Variants in SPOCK3 observed in about 807,000 individuals in gnomAD.
The protein encoded by SPOCK3 is SPARC (osteonectin), cwcv and kazal like domains proteoglycan 3.
Under a neutral mutation model 56.6 loss-of-function variants are expected in SPOCK3, and 30 were observed. That is an observed-to-expected ratio of 0.53 (90% confidence interval 0.40 to 0.72). The LOEUF (loss-of-function observed/expected upper bound fraction) is 0.72. Among genes scored for constraint, SPOCK3 ranks in the 30% least tolerant of loss-of-function variants. The pLI is 0.00. For synonymous variants in SPOCK3, 196 were observed against 183.3 expected (o/e 1.07, Z -0.56); for missense variants, 527 against 530.0 (o/e 0.99, Z 0.06).
chr4:167,108,152 T>A (rs192864533), intron 2 of SPOCK3, among the ~76,000 whole-genome samples: 1 of 151,848 alleles, frequency 6.6e-6, no homozygotes, highest in African/African-American at 2.4e-5. Context: ...AGATAGGTAA[T>A]AACAAATGCT....
intron 4 of SPOCK3, among the ~76,000 whole-genome samples, chr4:166,990,217 A>G (rs1579920243): frequency 6.6e-6 from 1 of 152,154 alleles, no homozygotes; most frequent in East Asian, 1.9e-4. Flanking sequence ...CTGAATATCA[A>G]TGATTACAAA....
chr4:166,890,410 A>C (rs986883622), intron 5 of SPOCK3, among the ~76,000 whole-genome samples: 11 of 151,904 alleles, frequency 7.2e-5, no homozygotes, highest in African/African-American at 2.7e-4. Flanking sequence ...CCAAACAGCC[A>C]GTTTTTCCCC....
chr4:166,864,437 A>G (rs1428781606), intron 6 of SPOCK3, among the ~76,000 whole-genome samples: 1 of 151,962 alleles, frequency 6.6e-6, no homozygotes, highest in Non-Finnish European at 1.5e-5. Flanking sequence ...AAGATCAGGG[A>G]AGAACTGAAG....
chr4:167,083,111 T>A (rs571569602), intron 2 of SPOCK3: 1 of 753,438 alleles, frequency 1.3e-6, no homozygotes, highest in East Asian at 2.4e-5. Flanking sequence ...AATGAATGAG[T>A]GGTACTTCTT....
chr4:166,845,941 T>C (rs1748012219), intron 6 of SPOCK3, among the ~76,000 whole-genome samples: 1 of 152,188 alleles, frequency 6.6e-6, no homozygotes, highest in African/African-American at 2.4e-5. Flanking sequence ...TAAAAGCTAT[T>C]GCTGCTAGGC....
intron 3 of SPOCK3, among the ~76,000 whole-genome samples, chr4:167,055,749 G>T (rs1363741471): frequency 1.3e-5 from 2 of 152,226 alleles, no homozygotes; most frequent in African/African-American, 2.4e-5. Context: ...GAGGCTGGGG[G>T]AGGGAGCCCG....
In SPOCK3 at chr4:167,073,220, T is replaced by A. The variant is rs147677153; in HGVS notation, c.190-10683A>T. ...CTATAATGCTAAATATTGAATATAG[T>A]TTATAAGACTGTTTAATTATATCAT... On this transcript the variant is annotated intron_variant, in intron 2 of 10. Transcript: ENST00000357545. 7.2e-5 allele frequency among the ~76,000 whole-genome samples: 11 copies of A among 151,778 alleles called. No homozygotes were observed. In the East Asian group the frequency reaches 2.1e-3, roughly 30 times the overall value.
At chr4:166,802,723 C>T (rs1457482463) in intron 6 of SPOCK3, among the ~76,000 whole-genome samples, 1 of 151,894 alleles carries the variant, frequency 6.6e-6, no homozygotes, top group Admixed American at 6.6e-5. Flanking sequence ...GGAAGGTTAG[C>T]CTGGTAAATG....
intron 3 of SPOCK3, among the ~76,000 whole-genome samples, chr4:167,056,964 A>G (rs948483165): frequency 6.6e-6 from 1 of 152,024 alleles, no homozygotes; most frequent in African/African-American, 2.4e-5. Flanking sequence ...CGAGAAGAGC[A>G]ACTCCAAGTC....
At chr4:166,954,967 T>C (rs1245987247) in intron 4 of SPOCK3, among the ~76,000 whole-genome samples, 1 of 152,168 alleles carries the variant, frequency 6.6e-6, no homozygotes, top group Non-Finnish European at 1.5e-5. Flanking sequence ...AGACTCATCA[T>C]TGTTGACTCT....
At position 166,809,071 on chromosome 4, in the gene SPOCK3, C is replaced by A. The variant is rs527912495; in HGVS notation, c.590-16782G>T. Among the ~76,000 whole-genome samples the A allele has an allele frequency of 7.9e-5, 12 of 152,086 alleles. No individual in the cohort carries two copies. In the East Asian group the frequency reaches 2.3e-3, roughly 29 times the overall value. The stretch of plus-strand genomic sequence containing the variant: ...CATGATAATTAAAGTACAGTTAGAT[C>A]AAATATTACATGGTTTGTAGACTCT... On this transcript the variant is annotated intron_variant, in intron 6 of 10. Coordinates refer to ENST00000357545, the MANE Select transcript of SPOCK3 (RefSeq NM_001040159.2).
chr4:167,220,755 G>T (rs1040967297), intron 2 of SPOCK3, among the ~76,000 whole-genome samples: 7 of 151,930 alleles, frequency 4.6e-5, no homozygotes, highest in African/African-American at 1.2e-4. Flanking sequence ...TATCAAAAAA[G>T]GTCAGTAATA....
intron 3 of SPOCK3, among the ~76,000 whole-genome samples, chr4:167,044,989 T>C (rs186453549): frequency 6.6e-5 from 10 of 152,252 alleles, no homozygotes; most frequent in African/African-American, 1.7e-4. Flanking sequence ...CTGTTAGATC[T>C]GTGCATTTCT....
intron 2 of SPOCK3, among the ~76,000 whole-genome samples, chr4:167,164,924 G>A (rs1203858680): frequency 6.6e-6 from 1 of 152,062 alleles, no homozygotes; most frequent in Non-Finnish European, 1.5e-5. Flanking sequence ...CTTTATAGTA[G>A]AATGATTTAT....
chr4:166,764,630 A>C (rs7674378), intron 7 of SPOCK3, among the ~76,000 whole-genome samples: 50,006 of 151,734 alleles, frequency 0.33, 8,400 homozygotes, highest in Admixed American at 0.42. Context: ...TGCTATTGTG[A>C]ATAGTGCTGC....
intron 6 of SPOCK3, among the ~76,000 whole-genome samples, chr4:166,881,688 G>T (rs6826435): frequency 0.61 from 92,149 of 151,774 alleles, 28,526 homozygotes; most frequent in East Asian, 0.75. Flanking sequence ...AAATTATCAT[G>T]AGATCCTGAA....
intron 7 of SPOCK3, among the ~76,000 whole-genome samples, chr4:166,769,171 C>G (rs1256319340): frequency 6.6e-6 from 1 of 152,090 alleles, no homozygotes; most frequent in African/African-American, 2.4e-5. Context: ...GTGTCTGAAG[C>G]CTTCTTCTCT....
Position 167,010,476 on chromosome 4 carries a change from C to T in SPOCK3, c.236-10013G>A, listed in dbSNP as rs535856700. ...TTGAGGCTGCAGTAAGCCAAGGTCA[C>T]GCCACTGCACTACAGTCTGGATGAT... is the stretch of plus-strand genomic sequence containing the variant. On this transcript the variant is annotated intron_variant, in intron 3 of 10. Transcript: ENST00000357545. 2.3e-4 allele frequency among the ~76,000 whole-genome samples: 34 copies of T among 144,796 alleles called. 1 individual carries two copies. The South Asian group carries it at 6.7e-3, about 29-fold the overall frequency. 95.0% of individuals were successfully genotyped at this position (144,796 alleles called of 152,430 possible).
At chr4:167,217,507 T>C (rs569767645) in intron 2 of SPOCK3, among the ~76,000 whole-genome samples, 7 of 152,140 alleles carry the variant, frequency 4.6e-5, no homozygotes, top group Admixed American at 2.6e-4. Context: ...AAATACTACA[T>C]TGTGTTATAT....
Sources: gnomAD v4.1 joint callset for allele counts (sites outside exome capture counted in the v4.1 genomes callset) on GRCh38, gnomAD v4.1.1 for gene constraint, MANE v1.5 for transcripts, NCBI Gene and HGNC (gene_info 2026-07-23, HGNC 2026-07-21) for gene names.